The following TRABD variants were observed in gnomAD, a reference collection of about 807,000 sequenced individuals.
TRABD encodes traB domain-containing protein.
TRABD carries 23 observed loss-of-function variants against 39.6 expected under a neutral mutation model. The ratio of observed to expected loss-of-function variants is 0.58; its 90% CI spans 0.42 to 0.82. TRABD has a LOEUF of 0.82. Among genes scored for constraint, TRABD ranks in the 40% least tolerant of loss-of-function variants. TRABD has a pLI of 0.00. For synonymous variants in TRABD, 243 were observed against 232.1 expected, an observed-to-expected ratio of 1.05 and a Z score of -0.43; for missense variants, 487 against 544.9, an observed-to-expected ratio of 0.89 and a Z score of 1.06.
At chr22:50,197,220 G>A (rs2064145007) in intron 5 of TRABD, 21 bp from the exon 6 acceptor site, 2 of 1,607,444 alleles carry the variant, frequency 1.2e-6, no homozygotes, top group African/African-American at 2.8e-5. Context: ...TCCAGCTGAT[G>A]CCTGCTCCCT....
rs1022967180 is a variant in TRABD, at chr22:50,194,404, C to A, written c.177C>A (p.Asn59Lys). The A allele has an allele frequency of 1.2e-6, 2 of 1,612,880 alleles. No homozygotes were observed. The highest frequency in any genetic ancestry group is 1.7e-5 in the Admixed American group (1 of 59,998). The change falls in exon 4 of 10, where the codon AAC (asparagine) becomes AAA (lysine). Residue 59 changes from asparagine (N) to lysine (K), a missense_variant. Around this residue, in one of 3 missense-constraint regions of TRABD, gnomAD observed 358 missense variants for 414.7 expected, o/e 0.86. Transcript: ENST00000380909. ...TGAAGCGGCGGCGTCAGCGGCCCAA[C>A]CTGCCGCGCACTGTGACCCAGTTGG... ...MKLKRRRQRP[N>K]LPRTVTQLVA...
In TRABD at chr22:50,198,616, A is replaced by AC. The variant is rs1438852834; in HGVS notation, c.*103dup. Reference sequence around the variant, plus strand: ...TCCTAGCCCGCCCGAGGCCCCTGCCACCCCCCATGGGGGTCTGGGCCCGGC... The same window carrying AC: ...TCCTAGCCCGCCCGAGGCCCCTGCCACCCCCCCATGGGGGTCTGGGCCCGGC... On this transcript the variant is annotated 3_prime_UTR_variant, in exon 10 of 10. Coordinates refer to ENST00000380909, the MANE Select transcript of TRABD (RefSeq NM_001320485.2). The surrounding 1 kb of genome is among the most constrained non-coding windows in gnomAD (Gnocchi z 7.9). The AC allele has an allele frequency of 5.4e-6, 7 of 1,289,406 alleles. No homozygotes were observed. The highest frequency in any genetic ancestry group is 3.3e-5 in the South Asian group (2 of 61,316). 79.9% of individuals were successfully genotyped at this position (1,289,406 alleles called of 1,614,324 possible).
intron 4 of TRABD, 110 bp from the exon 5 acceptor site, chr22:50,194,790 G>A (rs2064039216): frequency 2.0e-6 from 3 of 1,491,712 alleles, no homozygotes; most frequent in Non-Finnish European, 2.7e-6. Context: ...TAGCCCTGGG[G>A]TGACGCCAAG....
Position 50,198,927 on chromosome 22 carries a change from C to T in TRABD, c.*408C>T, listed in dbSNP as rs768516370. 38 of 589,122 alleles carry T rather than the reference C, an allele frequency of 6.5e-5. No individual in the cohort carries two copies. Among genetic ancestry groups the T allele is most frequent in the Non-Finnish European group, 8.3e-5 (27 of 323,454 alleles). 36.5% of individuals were successfully genotyped at this position (589,122 alleles called of 1,614,324 possible). On this transcript the variant is annotated 3_prime_UTR_variant, in exon 10 of 10. Coordinates refer to ENST00000380909, the MANE Select transcript of TRABD (RefSeq NM_001320485.2). The surrounding 1 kb of genome is among the most constrained non-coding windows in gnomAD (Gnocchi z 7.9). ...GGCCACAGGAGCGTCGGCCCAGGGG[C>T]GGCTCCTGGGGGCTCCAGGGCAGGC...
In TRABD at chr22:50,194,658, G is replaced by T. The variant is rs1001307240; in HGVS notation, c.279+152G>T. 9.7e-6 allele frequency: 13 copies of T among 1,346,392 alleles called. No homozygotes were observed. In the African/African-American group the frequency reaches 1.8e-4, roughly 18 times the overall value. 83.4% of individuals were successfully genotyped at this position (1,346,392 alleles called of 1,614,324 possible). A position where few individuals can be genotyped will look rare whatever the true frequency, so the allele number is the denominator to read the frequency against. ...TGTGGTCCCTGGGAGTGGCAAGGTG[G>T]GCTTCCTGCCTGGGAGCCGTGACGG... On this transcript the variant is annotated intron_variant, in intron 4 of 9. Coordinates refer to ENST00000380909, the MANE Select transcript of TRABD (RefSeq NM_001320485.2).
At chr22:50,193,465 A>T in intron 2 of TRABD, 111 bp from the exon 3 acceptor site, 1 of 1,060,608 alleles carries the variant, frequency 9.4e-7, no homozygotes, top group Non-Finnish European at 1.4e-6. Context: ...TGTGTGGTCC[A>T]CACAGCGGCC....
intron 1 of TRABD, among the ~76,000 whole-genome samples, chr22:50,187,473 G>C (rs2063790148): frequency 6.6e-6 from 1 of 152,262 alleles, no homozygotes; most frequent in African/African-American, 2.4e-5. Context: ...GGTCTGACCA[G>C]TTTGGAACCT....
intron 1 of TRABD, among the ~76,000 whole-genome samples, chr22:50,186,970 T>C (rs1295008985): frequency 6.6e-6 from 1 of 152,218 alleles, no homozygotes; most frequent in African/African-American, 2.4e-5. Flanking sequence ...GCAGCCTCGG[T>C]AGCCTCCAGA....
rs138543095 is a variant in TRABD, at chr22:50,194,350, C to T, written c.123C>T (p.Asp41=). 2.2e-4 allele frequency: 349 copies of T among 1,611,734 alleles called. 1 individual carries two copies. In the African/African-American group the frequency reaches 3.9e-3, roughly 18 times the overall value. Residue 41 remains aspartate, a synonymous_variant, in exon 4 of 10, where the codon GAC becomes GAT. Coordinates refer to ENST00000380909, the MANE Select transcript of TRABD (RefSeq NM_001320485.2). ...GTGCTGCTGTTGCAGCCGACGTGGA[C>T]GCCTTCAACCTGCTCCTGGAGATGA... The part of the protein sequence containing the change: ...SGDPQNLSDV[D]AFNLLLEMKL...
Position 50,199,073 on chromosome 22 carries a change from T to G in TRABD, c.*554T>G, listed in dbSNP as rs1189894973. The G allele has an allele frequency of 1.4e-6, 1 of 714,314 alleles. No homozygotes were observed. Among genetic ancestry groups the G allele is most frequent in the South Asian group, 1.5e-5 (1 of 67,302 alleles). The allele number at this position is 714,314 out of a possible 1,614,324, so 44.2% of individuals were successfully genotyped here. ...GCAGGGATTCTGTGTTTTTGGCTTT[T>G]TTAATGTCTTAAAATCTTTTACTCA... On this transcript the variant is annotated 3_prime_UTR_variant, in exon 10 of 10. Transcript: ENST00000380909.
chr22:50,186,491 C>T (rs2147078177), intron 1 of TRABD, among the ~76,000 whole-genome samples: 1 of 152,256 alleles, frequency 6.6e-6, no homozygotes, highest in African/African-American at 2.4e-5. Context: ...TCAGCGGCGG[C>T]CTCGCGGGAA....
At chr22:50,188,470 G>A (rs1359701478) in intron 1 of TRABD, among the ~76,000 whole-genome samples, 2 of 152,132 alleles carry the variant, frequency 1.3e-5, no homozygotes, top group African/African-American at 2.4e-5. Context: ...TCTAGGGGCC[G>A]GACATCCCAG....
chr22:50,197,764 G>GCGCCCCCC, intron 7 of TRABD, 59 bp from the exon 8 acceptor site: 4 of 1,284,790 alleles, frequency 3.1e-6, no homozygotes, highest in Non-Finnish European at 4.5e-6. Flanking sequence ...CACAGTGCCA[G>GCGCCCCCC]CCCCACCCCC....
At chr22:50,190,198 G>T (rs2063860265) in intron 1 of TRABD, among the ~76,000 whole-genome samples, 1 of 152,232 alleles carries the variant, frequency 6.6e-6, no homozygotes. Context: ...CTCCCTGCGG[G>T]CAGCACGCCT....
At chr22:50,189,406 A>G (rs1224900399) in intron 1 of TRABD, among the ~76,000 whole-genome samples, 2 of 152,026 alleles carry the variant, frequency 1.3e-5, no homozygotes, top group Non-Finnish European at 2.9e-5. Context: ...CACCCACCCC[A>G]GTCCTGCTCG....
At position 50,198,953 on chromosome 22, in the gene TRABD, G is replaced by T; in HGVS notation, c.*434G>T. ...GGCTCCTGGGGGCTCCAGGGCAGGC[G>T]AGACTGGGAAAGGCCCAGCCCTGGA... On this transcript the variant is annotated 3_prime_UTR_variant, in exon 10 of 10. Coordinates refer to ENST00000380909, the MANE Select transcript of TRABD (RefSeq NM_001320485.2). The surrounding 1 kb of genome is among the most constrained non-coding windows in gnomAD (Gnocchi z 7.9). The T allele has an allele frequency of 1.7e-6, 1 of 604,530 alleles. No homozygotes were observed. Among genetic ancestry groups the T allele is most frequent in the Non-Finnish European group, 3.0e-6 (1 of 331,442 alleles). 37.4% of individuals were successfully genotyped at this position (604,530 alleles called of 1,614,324 possible).
chr22:50,198,468 G>T lies in TRABD; in HGVS notation c.1080G>T (p.Leu360=), dbSNP rs1254410900. 1 of 1,594,832 alleles carries T rather than the reference G, an allele frequency of 6.3e-7. No homozygotes were observed. Among genetic ancestry groups the T allele is most frequent in the South Asian group, 1.1e-5 (1 of 89,848 alleles). ...GCACCGCGAGCCTGGTCCTGTCGCT[G>T]CCCGCCGCGCAGTACTGCCTGCAGA... The part of the protein sequence containing the change: ...GRRTASLVLS[L]PAAQYCLQRV... Residue 360 remains leucine, a synonymous_variant, in exon 10 of 10, where the codon CTG becomes CTT. Transcript: ENST00000380909. The surrounding 1 kb of genome is among the most constrained non-coding windows in gnomAD (Gnocchi z 7.9).
Position 50,198,601 on chromosome 22 carries a change from C to T in TRABD, c.*82C>T. 2 of 1,373,208 alleles carry T rather than the reference C, an allele frequency of 1.5e-6. No individual in the cohort carries two copies. Among genetic ancestry groups the T allele is most frequent in the East Asian group, 2.7e-5 (1 of 37,420 alleles). 85.1% of individuals were successfully genotyped at this position (1,373,208 alleles called of 1,614,324 possible). On this transcript the variant is annotated 3_prime_UTR_variant, in exon 10 of 10. Coordinates refer to ENST00000380909, the MANE Select transcript of TRABD (RefSeq NM_001320485.2). This position sits in a 1 kb window ranked among gnomAD's most constrained non-coding sequence, Gnocchi z 7.9. ...TGGGTGCCAGGTGCATCCTAGCCCGCCCGAGGCCCCTGCCACCCCCCATGG... is the reference window on the plus strand; with the variant it reads ...TGGGTGCCAGGTGCATCCTAGCCCGTCCGAGGCCCCTGCCACCCCCCATGG...
Position 50,198,278 on chromosome 22 carries a change from C to T in TRABD, c.957-67C>T. 6.6e-7 allele frequency: 1 copy of T among 1,519,644 alleles called. No individual in the cohort carries two copies. The highest frequency in any genetic ancestry group is 1.2e-5 in the South Asian group (1 of 82,170). The allele number at this position is 1,519,644 out of a possible 1,614,324, so 94.1% of individuals were successfully genotyped here. A position where few individuals can be genotyped will look rare whatever the true frequency, so the allele number is the denominator to read the frequency against. On this transcript the variant is annotated intron_variant, in intron 9 of 9. Transcript: ENST00000380909. This position sits in a 1 kb window ranked among gnomAD's most constrained non-coding sequence, Gnocchi z 7.9. ...AGGCCAACCACATGCGGCAGTGACCCAGGCATGGGGGCTGGGGTATGGGGA... is the reference window on the plus strand; with the variant it reads ...AGGCCAACCACATGCGGCAGTGACCTAGGCATGGGGGCTGGGGTATGGGGA...
Sources: allele counts gnomAD v4.1 joint callset (sites outside exome capture counted in the v4.1 genomes callset), GRCh38; gene constraint gnomAD v4.1.1; regional missense constraint gnomAD v4.1.1; non-coding constraint Gnocchi (gnomAD v3.1); transcripts MANE v1.5; gene names NCBI Gene and HGNC (gene_info 2026-07-23, HGNC 2026-07-21).